Variants in ATG2B observed in about 807,000 individuals in gnomAD.
The protein encoded by ATG2B is autophagy related 2B, also known as autophagy-related protein 2 homolog B.
ATG2B carries 121 observed loss-of-function variants against 241.3 expected under a neutral mutation model. That is an observed-to-expected ratio of 0.50 (90% CI 0.43 to 0.58). The LOEUF (loss-of-function observed/expected upper bound fraction) is 0.58. Ranked by LOEUF, ATG2B falls within the 20% of genes least tolerant of loss-of-function variation. The probability of loss-of-function intolerance (pLI) is 0.00; values close to 1 mark genes in which losing one functional copy is unlikely to be tolerated. For synonymous variants in ATG2B, 858 were observed against 876.6 expected, an observed-to-expected ratio of 0.98 and a Z score of 0.37; for missense variants, 2,306 against 2,491.6, an observed-to-expected ratio of 0.93 and a Z score of 1.59.
intron 19 of ATG2B, 83 bp downstream of exon 19, chr14:96,317,615 T>C (rs2139865860): frequency 8.3e-7 from 1 of 1,211,742 alleles, no homozygotes; most frequent in Admixed American, 2.5e-5. Flanking sequence ...CATAAAGATT[T>C]TTAAATCCAC....
chr14:96,313,577 C>A, intron 23 of ATG2B, 142 bp from the exon 24 acceptor site: 1 of 513,032 alleles, frequency 1.9e-6, no homozygotes. Flanking sequence ...GGAAAAAAAT[C>A]ATCATTTTGA....
chr14:96,317,038 G>T, intron 20 of ATG2B, 107 bp downstream of exon 20: 1 of 1,136,538 alleles, frequency 8.8e-7, no homozygotes. Flanking sequence ...ATCAGTCCCT[G>T]AAACAACTTC....
intron 34 of ATG2B, among the ~76,000 whole-genome samples, chr14:96,301,422 A>G (rs1886787592): frequency 6.6e-6 from 1 of 152,196 alleles, no homozygotes; most frequent in African/African-American, 2.4e-5. Flanking sequence ...ATCTTGGTAA[A>G]AAGTTTCTGG....
intron 1 of ATG2B, among the ~76,000 whole-genome samples, chr14:96,351,931 A>G (rs1056217901): frequency 6.6e-6 from 1 of 150,902 alleles, no homozygotes; most frequent in Admixed American, 6.6e-5. Flanking sequence ...AAAAATTTTT[A>G]TGCTTATCAA....
chr14:96,332,251 G>T, intron 10 of ATG2B, 54 bp downstream of exon 10: 1 of 1,356,098 alleles, frequency 7.4e-7, no homozygotes, highest in African/African-American at 1.5e-5. Context: ...CCAGTAGAAT[G>T]GCATTTTAAA....
chr14:96,304,447 C>A lies in ATG2B; in HGVS notation c.4842+48G>T, dbSNP rs1166860608. 2.1e-6 allele frequency: 3 copies of A among 1,435,044 alleles called. No individual in the cohort carries two copies. The African/African-American group carries it at 4.2e-5, about 20-fold the overall frequency. 88.9% of individuals were successfully genotyped at this position (1,435,044 alleles called of 1,614,324 possible). ...TGGTGGGGGATAACAAAAGAACCCC[C>A]CGCCAATATCCTACTTAAGTGGATT... On this transcript the variant is annotated intron_variant, in intron 32 of 41. Coordinates refer to ENST00000359933, the MANE Select transcript of ATG2B (RefSeq NM_018036.7).
At chr14:96,297,324 T>A (rs938293953) in intron 34 of ATG2B, among the ~76,000 whole-genome samples, 5 of 151,052 alleles carry the variant, frequency 3.3e-5, no homozygotes, top group Admixed American at 6.6e-5. Flanking sequence ...AAAGATACAA[T>A]GGTTTCTACT....
At position 96,309,483 on chromosome 14, in the gene ATG2B, C is replaced by T. The variant is rs1235285359; in HGVS notation, c.4273G>A (p.Gly1425Ser). ...DAMEEIDMQQ[G>S]TSSVKPQANG... ...GCCTGTGGTTTTACTGACGAGGTGC[C>T]TTGTTGCATGTCGATCTCCTCCATA... is the stretch of plus-strand genomic sequence containing the variant. Residue 1425 changes from glycine (G) to serine (S), a missense_variant, in exon 29 of 42, where the codon GGC becomes AGC. Coordinates refer to ENST00000359933, the MANE Select transcript of ATG2B (RefSeq NM_018036.7). 1 of 1,614,044 alleles carries T rather than the reference C, an allele frequency of 6.2e-7. No individual in the cohort carries two copies. Among genetic ancestry groups the T allele is most frequent in the African/African-American group, 1.3e-5 (1 of 75,030 alleles).
chr14:96,334,589 G>T, intron 6 of ATG2B, 88 bp from the exon 7 acceptor site: 1 of 685,774 alleles, frequency 1.5e-6, no homozygotes, highest in South Asian at 2.3e-5. Context: ...GAACTGAGAT[G>T]AATACTGAGT....
At chr14:96,315,133 C>T (rs747110725) in intron 23 of ATG2B, 21 bp downstream of exon 23, 2 of 1,580,036 alleles carry the variant, frequency 1.3e-6, no homozygotes, top group South Asian at 1.1e-5. Flanking sequence ...TAAATTAATA[C>T]ATATATAACA....
At chr14:96,328,845 G>T in intron 12 of ATG2B, 79 bp from the exon 13 acceptor site, 2 of 1,065,690 alleles carry the variant, frequency 1.9e-6, no homozygotes, top group South Asian at 1.7e-5. Context: ...AATGAGAAAG[G>T]CTTTCTGAAG....
chr14:96,287,678 C>A (rs763701554), intron 41 of ATG2B, among the ~76,000 whole-genome samples: 2 of 152,194 alleles, frequency 1.3e-5, no homozygotes, highest in African/African-American at 2.4e-5. Flanking sequence ...TACTACCACC[C>A]TCGTAAGTGC....
intron 1 of ATG2B, among the ~76,000 whole-genome samples, chr14:96,351,442 A>T (rs934370588): frequency 1.3e-5 from 2 of 152,154 alleles, no homozygotes; most frequent in African/African-American, 4.8e-5. Flanking sequence ...CTCTACAAAA[A>T]ATACAAAAAT....
rs776260533 is a variant in ATG2B at position 96,332,420 on chromosome 14, A to AT, written c.1363-11dup. The AT allele has an allele frequency of 9.9e-6, 16 of 1,612,864 alleles. No homozygotes were observed. In the Admixed American group the frequency reaches 1.3e-4, roughly 13 times the overall value. On this transcript the variant is annotated splice_polypyrimidine_tract_variant and intron_variant, in intron 9 of 41. Coordinates refer to ENST00000359933, the MANE Select transcript of ATG2B (RefSeq NM_018036.7). ...CCCAAGTGGGCTGAAGCTATAAAAG[A>AT]TTTTTTTTAAGCACATGAATGAAGT...
chr14:96,326,984 G>A (rs1335600354), intron 14 of ATG2B, among the ~76,000 whole-genome samples: 1 of 152,136 alleles, frequency 6.6e-6, no homozygotes, highest in Non-Finnish European at 1.5e-5. Flanking sequence ...TATAGTTACA[G>A]CTAATATACA....
chr14:96,363,072 G>T lies in ATG2B; in HGVS notation c.-96C>A. The T allele has an allele frequency of 7.1e-7, 1 of 1,403,338 alleles. No individual in the cohort carries two copies. Among genetic ancestry groups the T allele is most frequent in the Non-Finnish European group, 1.0e-6 (1 of 1,000,960 alleles). The allele number at this position is 1,403,338 out of a possible 1,614,324, so 86.9% of individuals were successfully genotyped here. A position where few individuals can be genotyped will look rare whatever the true frequency, so the allele number is the denominator to read the frequency against. ...GGCTCCAGGCCGCGGCGGGGCCTAA[G>T]CCTGGGGCGGCCCCTCCATCCCTAT... On this transcript the variant is annotated 5_prime_UTR_variant, in exon 1 of 42. Transcript: ENST00000359933.
At chr14:96,295,428 T>C in intron 35 of ATG2B, 54 bp downstream of exon 35, 4 of 1,249,162 alleles carry the variant, frequency 3.2e-6, no homozygotes. Flanking sequence ...CTCATAACAA[T>C]TAAAATCAAT....
chr14:96,344,914 A>T (rs1238166334), intron 3 of ATG2B, among the ~76,000 whole-genome samples, 158 bp from the exon 4 acceptor site: 1 of 152,220 alleles, frequency 6.6e-6, no homozygotes, highest in African/African-American at 2.4e-5. Context: ...TGAGTTTTGT[A>T]ATAAATATTT....
rs1886250023 is a variant in ATG2B, at chr14:96,283,353, A to C, written c.*2402T>G. The C allele has an allele frequency of 6.6e-6, 1 of 152,284 alleles. No individual in the cohort carries two copies. The highest frequency in any genetic ancestry group is 6.5e-5 in the Admixed American group (1 of 15,282). 9.4% of individuals were successfully genotyped at this position (152,284 alleles called of 1,614,324 possible). A position where few individuals can be genotyped will look rare whatever the true frequency, so the allele number is the denominator to read the frequency against. ...CAGTTCAGAAAAGTATTGCTCTGAG[A>C]GATCTGAGATCTAAGGTGGCCCCTG... On this transcript the variant is annotated 3_prime_UTR_variant, in exon 42 of 42. Transcript: ENST00000359933.
Sources: gnomAD v4.1 joint callset for allele counts (sites outside exome capture counted in the v4.1 genomes callset) on GRCh38, gnomAD v4.1.1 for gene constraint, MANE v1.5 for transcripts, NCBI Gene and HGNC (gene_info 2026-07-23, HGNC 2026-07-21) for gene names.